The following EEIG2 variants were observed in gnomAD, a reference collection of about 807,000 sequenced individuals.
EEIG2 encodes family with sequence similarity 102 member B.
chr1:108,616,232 C>A, the EEIG2 span: 2 of 579,908 alleles, frequency 3.4e-6, no homozygotes, highest in Non-Finnish European at 3.1e-6. Flanking sequence ...TGGGCTCAAA[C>A]AATCCTCCTG....
the EEIG2 span, among the ~76,000 whole-genome samples, chr1:108,623,695 G>T: frequency 0.81 from 123,629 of 151,714 alleles, 52,382 homozygotes; most frequent in Non-Finnish European, 0.93. Flanking sequence ...TTTTTGAGAC[G>T]GAGTCTCGCT....
At chr1:108,566,193 C>T in the EEIG2 span, among the ~76,000 whole-genome samples, 1 of 152,058 alleles carries the variant, frequency 6.6e-6, no homozygotes, top group African/African-American at 2.4e-5. Context: ...TGAACCAAGT[C>T]ACTTTTGAAA....
chr1:108,582,036 C>A, the EEIG2 span, among the ~76,000 whole-genome samples: 1,469 of 152,170 alleles, frequency 9.7e-3, 23 homozygotes, highest in African/African-American at 0.034. Flanking sequence ...CCCTGTCAGT[C>A]AGCAACCATC....
the EEIG2 span, among the ~76,000 whole-genome samples, chr1:108,594,994 A>G: frequency 1.3e-5 from 2 of 151,620 alleles, no homozygotes; most frequent in Non-Finnish European, 2.9e-5. Context: ...TTTGTTTCTT[A>G]AAAAAAAATT....
chr1:108,627,987 C>G, the EEIG2 span: 1 of 573,016 alleles, frequency 1.7e-6, no homozygotes, highest in South Asian at 2.5e-5. Context: ...TATTTAAATA[C>G]TTTGTATATC....
chr1:108,611,222 T>A, the EEIG2 span, among the ~76,000 whole-genome samples: 1 of 152,230 alleles, frequency 6.6e-6, no homozygotes, highest in African/African-American at 2.4e-5. Context: ...CACAGCAGTT[T>A]TTGAAATGTA....
chr1:108,601,837 G>C, the EEIG2 span, among the ~76,000 whole-genome samples: 3 of 152,162 alleles, frequency 2.0e-5, no homozygotes, highest in African/African-American at 7.2e-5. Flanking sequence ...AAGTTTGATA[G>C]TGTGCTCTGT....
the EEIG2 span, among the ~76,000 whole-genome samples, chr1:108,585,704 G>A: frequency 1.3e-5 from 2 of 152,044 alleles, no homozygotes; most frequent in Non-Finnish European, 2.9e-5. Context: ...TTGATTATAA[G>A]TTACTTCATC....
the EEIG2 span, among the ~76,000 whole-genome samples, chr1:108,594,967 C>A: frequency 6.6e-6 from 1 of 152,080 alleles, no homozygotes; most frequent in South Asian, 2.1e-4. Context: ...GCTAATATTT[C>A]TTTCCTGCTT....
chr1:108,610,998 G>A, the EEIG2 span, among the ~76,000 whole-genome samples: 1 of 152,162 alleles, frequency 6.6e-6, no homozygotes, highest in Non-Finnish European at 1.5e-5. Flanking sequence ...TGCAAATTAG[G>A]TGGGTATTAC....
chr1:108,619,857 T>C, the EEIG2 span, among the ~76,000 whole-genome samples: 2 of 152,232 alleles, frequency 1.3e-5, no homozygotes, highest in Non-Finnish European at 2.9e-5. Flanking sequence ...GCCACTGCAC[T>C]CCAGGCTGGG....
chr1:108,582,466 T>C, the EEIG2 span, among the ~76,000 whole-genome samples: 1 of 152,208 alleles, frequency 6.6e-6, no homozygotes, highest in Middle Eastern at 3.2e-3. Flanking sequence ...ATAATATATA[T>C]AGTGGCTATA....
the EEIG2 span, chr1:108,625,798 G>A: frequency 6.6e-6 from 1 of 151,602 alleles, no homozygotes; most frequent in African/African-American, 2.4e-5. Context: ...GTGTGTGTGT[G>A]TGTGTGTGTG....
the EEIG2 span, chr1:108,635,022 C>G: frequency 7.8e-7 from 1 of 1,274,244 alleles, no homozygotes; most frequent in Non-Finnish European, 1.1e-6. Flanking sequence ...TACCCAGTGC[C>G]CCATCTCTCC....
the EEIG2 span, among the ~76,000 whole-genome samples, chr1:108,569,279 G>T: frequency 1.3e-5 from 2 of 152,276 alleles, no homozygotes; most frequent in African/African-American, 4.8e-5. Context: ...CATTTGTCAG[G>T]AATGTTATTC....
the EEIG2 span, among the ~76,000 whole-genome samples, chr1:108,597,900 C>T: frequency 6.6e-6 from 1 of 152,300 alleles, no homozygotes; most frequent in East Asian, 1.9e-4. Flanking sequence ...ACAGCAACAA[C>T]CAAGCGCCTT....
the EEIG2 span, among the ~76,000 whole-genome samples, chr1:108,561,692 G>C: frequency 1.3e-5 from 2 of 152,214 alleles, no homozygotes. Flanking sequence ...AAATTAAACT[G>C]TGGTGACACA....
At chr1:108,589,068 C>T in the EEIG2 span, among the ~76,000 whole-genome samples, 1 of 152,062 alleles carries the variant, frequency 6.6e-6, no homozygotes, top group Admixed American at 6.6e-5. Flanking sequence ...GACAAAGTTC[C>T]TTGCATTAGA....
chr1:108,605,768 C>T, the EEIG2 span, among the ~76,000 whole-genome samples: 1 of 152,160 alleles, frequency 6.6e-6, no homozygotes, highest in African/African-American at 2.4e-5. Context: ...AGGGTTTGTA[C>T]TATACTAAAT....
Sources: allele counts gnomAD v4.1 joint callset (sites outside exome capture counted in the v4.1 genomes callset), GRCh38; gene constraint gnomAD v4.1.1; transcripts MANE v1.5; gene names NCBI Gene and HGNC (gene_info 2026-07-23, HGNC 2026-07-21).